Variants in NRG3 observed in about 807,000 individuals in gnomAD.
NRG3 encodes the protein neuregulin 3, also known as pro-neuregulin-3, membrane-bound isoform.
Under a neutral mutation model 66.9 loss-of-function variants are expected in NRG3, and 31 were observed. That is an observed-to-expected ratio of 0.46 (90% CI 0.35 to 0.63). The LOEUF (loss-of-function observed/expected upper bound fraction) is 0.63, where lower values mean the gene tolerates loss of function less well. NRG3 is among the 20% of genes least tolerant of loss of function. The pLI, the probability that NRG3 is intolerant of heterozygous loss-of-function variation, is 0.00. For synonymous variants in NRG3, 393 were observed against 359.4 expected, an observed-to-expected ratio of 1.09 and a Z score of -1.06; for missense variants, 910 against 878.9, an observed-to-expected ratio of 1.04 and a Z score of -0.45.
intron 1 of NRG3, among the ~76,000 whole-genome samples, chr10:82,244,877 A>T (rs774790640): frequency 6.6e-6 from 1 of 151,800 alleles, no homozygotes; most frequent in Non-Finnish European, 1.5e-5. Context: ...GGGACTACAG[A>T]TGCCCACCAC....
intron 6 of NRG3, among the ~76,000 whole-genome samples, chr10:82,968,706 T>C (rs1851445200): frequency 7.1e-6 from 1 of 141,338 alleles, no homozygotes; most frequent in African/African-American, 2.5e-5. Context: ...TTACTGACTT[T>C]TAGTGATTTG....
intron 1 of NRG3, among the ~76,000 whole-genome samples, chr10:81,895,881 A>G (rs1315101648): frequency 6.6e-6 from 1 of 152,204 alleles, no homozygotes; most frequent in African/African-American, 2.4e-5. Context: ...GCACAGATTA[A>G]TAACTGACAC....
At chr10:82,499,975 A>G (rs1844005600) in intron 2 of NRG3, among the ~76,000 whole-genome samples, 1 of 152,204 alleles carries the variant, frequency 6.6e-6, no homozygotes, top group Non-Finnish European at 1.5e-5. Context: ...CTTCATTGTG[A>G]GTATAAAGCT....
At chr10:82,432,208 C>T (rs1283980226) in intron 2 of NRG3, among the ~76,000 whole-genome samples, 1 of 152,188 alleles carries the variant, frequency 6.6e-6, no homozygotes, top group African/African-American at 2.4e-5. Flanking sequence ...GTATCTGTTC[C>T]TAAAATAAGT....
intron 3 of NRG3, among the ~76,000 whole-genome samples, chr10:82,794,234 C>A (rs2060705140): frequency 6.6e-6 from 1 of 152,022 alleles, no homozygotes; most frequent in African/African-American, 2.4e-5. Flanking sequence ...GGAAGAAAAA[C>A]AAACTTCACA....
intron 4 of NRG3, among the ~76,000 whole-genome samples, chr10:82,919,862 T>C (rs1195111555): frequency 1.3e-5 from 2 of 151,984 alleles, no homozygotes; most frequent in African/African-American, 2.4e-5. Flanking sequence ...TGAAGAATTT[T>C]AGAGATGACC....
chr10:81,942,376 A>G (rs1589540359), intron 1 of NRG3, among the ~76,000 whole-genome samples: 3 of 152,230 alleles, frequency 2.0e-5, no homozygotes, highest in Admixed American at 6.6e-5. Flanking sequence ...TCAGTTTTTG[A>G]TGTAAGTAGG....
At chr10:82,019,464 G>T (rs555766772) in intron 1 of NRG3, among the ~76,000 whole-genome samples, 111 of 152,144 alleles carry the variant, frequency 7.3e-4, no homozygotes, top group African/African-American at 2.5e-3. Context: ...AATGAGTTAG[G>T]GAGGATTCCC....
At chr10:82,132,640 T>A (rs2069012079) in intron 1 of NRG3, among the ~76,000 whole-genome samples, 1 of 149,406 alleles carries the variant, frequency 6.7e-6, no homozygotes. Context: ...ATAGTTTAAG[T>A]AGGATTGGTA....
intron 8 of NRG3, chr10:82,984,831 T>G (rs1434656771): frequency 6.5e-7 from 1 of 1,539,412 alleles, no homozygotes; most frequent in Non-Finnish European, 8.8e-7. Flanking sequence ...AGCTGTGGTG[T>G]GTTGAAAGAC....
Position 82,566,328 on chromosome 10 carries a change from T to C in NRG3, c.954-172249T>C, listed in dbSNP as rs114875618. On this transcript the variant is annotated intron_variant, in intron 2 of 8. Transcript: ENST00000372141. The stretch of plus-strand genomic sequence containing the variant: ...TTTTTTGGGAGGTGGATGTATGCAA[T>C]GTATTAAATATGGTAAATTTTCAGA... 1.8e-3 allele frequency among the ~76,000 whole-genome samples: 267 copies of C among 152,146 alleles called. 2 individuals are homozygous for C. Among genetic ancestry groups the C allele is most frequent in the African/African-American group, 6.1e-3 (253 of 41,530 alleles).
intron 1 of NRG3, among the ~76,000 whole-genome samples, chr10:82,242,373 T>C (rs1185177566): frequency 2.6e-5 from 4 of 152,192 alleles, no homozygotes; most frequent in Non-Finnish European, 4.4e-5. Context: ...TTTCATTGAG[T>C]ACCCATCAAG....
intron 2 of NRG3, among the ~76,000 whole-genome samples, chr10:82,364,350 A>G (rs2084385020): frequency 6.6e-6 from 1 of 152,224 alleles, no homozygotes; most frequent in African/African-American, 2.4e-5. Context: ...TGAAAACATT[A>G]AAAACATTGG....
At chr10:81,955,490 G>A (rs910703315) in intron 1 of NRG3, among the ~76,000 whole-genome samples, 4 of 152,102 alleles carry the variant, frequency 2.6e-5, no homozygotes, top group Admixed American at 2.0e-4. Context: ...ATTGGGATCT[G>A]TATCCAGCTA....
intron 1 of NRG3, among the ~76,000 whole-genome samples, chr10:81,988,262 T>C (rs1399868246): frequency 2.0e-5 from 3 of 152,124 alleles, no homozygotes; most frequent in African/African-American, 4.8e-5. Context: ...AGTTAATTTG[T>C]AGAGATAAGA....
intron 1 of NRG3, among the ~76,000 whole-genome samples, chr10:81,927,007 A>G (rs951163240): frequency 6.6e-6 from 1 of 152,220 alleles, no homozygotes; most frequent in African/African-American, 2.4e-5. Context: ...TTGTAATGTA[A>G]TGACTTAAAA....
chr10:82,813,477 G>T (rs1007163763), intron 3 of NRG3, among the ~76,000 whole-genome samples: 1 of 152,058 alleles, frequency 6.6e-6, no homozygotes, highest in Non-Finnish European at 1.5e-5. Flanking sequence ...GCCTCCCAAA[G>T]TGGTGGGATT....
At chr10:81,941,749 C>G (rs1245612756) in intron 1 of NRG3, among the ~76,000 whole-genome samples, 1 of 152,194 alleles carries the variant, frequency 6.6e-6, no homozygotes, top group Admixed American at 6.6e-5. Context: ...GAAATCTGTT[C>G]AGGAATAACC....
intron 1 of NRG3, among the ~76,000 whole-genome samples, chr10:81,990,126 G>T (rs2133562505): frequency 6.6e-6 from 1 of 152,280 alleles, no homozygotes; most frequent in East Asian, 1.9e-4. Context: ...AGAAGTGATT[G>T]TCCGTATCTT....
Sources: allele counts gnomAD v4.1 joint callset (sites outside exome capture counted in the v4.1 genomes callset), GRCh38; gene constraint gnomAD v4.1.1; transcripts MANE v1.5; gene names NCBI Gene and HGNC (gene_info 2026-07-23, HGNC 2026-07-21).